TSLP: variants seen among roughly 807,000 people sequenced by gnomAD.
TSLP encodes the protein thymic stroma-derived lymphopoietin.
A neutral mutation model predicts 12.4 loss-of-function variants in TSLP; 12 were observed. The ratio of observed to expected loss-of-function variants is 0.97; its 90% confidence interval spans 0.62 to 1.57. TSLP has a LOEUF of 1.57. TSLP is among the 40% of genes most tolerant of loss of function. The pLI is 0.00. For missense variants in TSLP, 222 were observed against 189.6 expected (o/e 1.17, Z -1.00); for synonymous variants, 97 against 69.5 (o/e 1.40, Z -1.97).
At position 111,076,103 on chromosome 5, in the gene TSLP, GCA is replaced by G; in HGVS notation, c.*31_*32del. ...ATCTTTATTATGGTCATATTTCACAGCACCAAAATAAATCATCTTTATTAAGT... is the reference window on the plus strand; with the variant it reads ...ATCTTTATTATGGTCATATTTCACAGCCAAAATAAATCATCTTTATTAAGT... On this transcript the variant is annotated 3_prime_UTR_variant, in exon 4 of 4. Transcript: ENST00000344895. 2.5e-6 allele frequency: 4 copies of G among 1,610,098 alleles called. No homozygotes were observed. Among genetic ancestry groups the G allele is most frequent in the Non-Finnish European group, 3.4e-6 (4 of 1,178,274 alleles).
chr5:111,075,027 C>T lies in TSLP; in HGVS notation c.352-919C>T, dbSNP rs143641167. On this transcript the variant is annotated intron_variant, in intron 3 of 3. Coordinates refer to ENST00000344895, the MANE Select transcript of TSLP (RefSeq NM_033035.5). ...GCCATATGGGAAACCTATTTGGCTT[C>T]ATGCCTTCTTATGAAGGAGACCCTG... 3.4e-3 allele frequency among the ~76,000 whole-genome samples: 525 copies of T among 152,258 alleles called. 6 individuals are homozygous for T. The highest frequency in any genetic ancestry group is 0.012 in the African/African-American group (499 of 41,542).
chr5:111,072,835 C>G (rs201830592), intron 1 of TSLP, 53 bp from the exon 2 acceptor site: 2 of 1,585,292 alleles, frequency 1.3e-6, no homozygotes, highest in Admixed American at 1.7e-5. Flanking sequence ...GGATGATTTT[C>G]CTTGTGGACT....
intron 3 of TSLP, 79 bp from the exon 4 acceptor site, chr5:111,075,867 G>A: frequency 6.9e-7 from 1 of 1,442,840 alleles, no homozygotes; most frequent in Non-Finnish European, 9.6e-7. Context: ...TTTGCATAGA[G>A]AAGGCAATTA....
chr5:111,071,584 T>C, upstream of TSLP: 1 of 1,509,068 alleles, frequency 6.6e-7, no homozygotes. Context: ...CCTTTTTTTT[T>C]TTCCTTTCAC....
intron 3 of TSLP, among the ~76,000 whole-genome samples, chr5:111,074,321 A>T (rs188635457): frequency 6.6e-6 from 1 of 152,308 alleles, no homozygotes; most frequent in Admixed American, 6.5e-5. Context: ...AACTTCTGTG[A>T]AGACTTAGTT....
rs1425238048 is a variant in TSLP at position 111,073,600 on chromosome 5, T to A, written c.306T>A (p.Thr102=). 1 of 1,614,214 alleles carries A rather than the reference T, an allele frequency of 6.2e-7. No individual in the cohort carries two copies. Residue 102 remains threonine, a synonymous_variant, in exon 3 of 4, where the codon ACT becomes ACA. Coordinates refer to ENST00000344895, the MANE Select transcript of TSLP (RefSeq NM_033035.5). ...CCAAAGAAATGTTCGCCATGAAAAC[T>A]AAGGCTGCCTTAGCTATCTGGTGCC... ...SLAKEMFAMK[T]KAALAIWCPG... is the part of the protein sequence containing the mutation.
At chr5:111,074,972 G>A (rs1342436337) in intron 3 of TSLP, among the ~76,000 whole-genome samples, 1 of 152,136 alleles carries the variant, frequency 6.6e-6, no homozygotes, top group African/African-American at 2.4e-5. Context: ...GATCTGGGTT[G>A]AGCTTGAATT....
upstream of TSLP, chr5:111,071,149 A>G (rs1323188306): frequency 7.1e-6 from 2 of 282,848 alleles, no homozygotes; most frequent in Non-Finnish European, 6.5e-6. Flanking sequence ...TCAACCTCTT[A>G]TCGTTCCTGC....
upstream of TSLP, chr5:111,071,559 A>G (rs1267457573): frequency 1.3e-6 from 2 of 1,529,006 alleles, no homozygotes; most frequent in East Asian, 2.4e-5. Flanking sequence ...TTAAAATTCC[A>G]TAGATTTAGC....
At position 111,077,723 on chromosome 5, in the gene TSLP, G is replaced by C. The variant is rs1752552479; in HGVS notation, c.*1649G>C. On this transcript the variant is annotated 3_prime_UTR_variant, in exon 4 of 4. Coordinates refer to ENST00000344895, the MANE Select transcript of TSLP (RefSeq NM_033035.5). ...AGACAACTCAAAGTCATCCCATTAA[G>C]TGCAGTTTCTTTGAATCTTCTGCTT... is the stretch of plus-strand genomic sequence containing the variant. 1 of 152,580 alleles carries C rather than the reference G, an allele frequency of 6.6e-6. No homozygotes were observed. Among genetic ancestry groups the C allele is most frequent in the African/African-American group, 2.4e-5 (1 of 41,438 alleles). 9.5% of individuals were successfully genotyped at this position (152,580 alleles called of 1,614,324 possible).
At chr5:111,073,685 T>G (rs765604341) in intron 3 of TSLP, 40 bp downstream of exon 3, 2 of 1,587,162 alleles carry the variant, frequency 1.3e-6, no homozygotes, top group African/African-American at 2.7e-5. Context: ...ACCTTGGGGC[T>G]AACCTCAAAT....
intron 2 of TSLP, chr5:111,073,209 C>G: frequency 1.7e-6 from 2 of 1,192,460 alleles, no homozygotes; most frequent in Non-Finnish European, 2.2e-6. Context: ...TGCTGGGGTC[C>G]GGCGCCTCCG....
Position 111,072,942 on chromosome 5 carries a change from G to A in TSLP, c.216+10G>A. On this transcript the variant is annotated intron_variant, in intron 2 of 3. Transcript: ENST00000344895. ...CTCTTGTAGCAATCGGGTGAGTAGA[G>A]AGTTCAGTGCTGCTGGCTTTCTCCA... is the stretch of plus-strand genomic sequence containing the variant. 6.2e-7 allele frequency: 1 copy of A among 1,614,204 alleles called. No individual in the cohort carries two copies. Among genetic ancestry groups the A allele is most frequent in the Non-Finnish European group, 8.5e-7 (1 of 1,180,024 alleles).
chr5:111,074,225 T>C (rs1180981927), intron 3 of TSLP, among the ~76,000 whole-genome samples: 2 of 152,228 alleles, frequency 1.3e-5, no homozygotes, highest in Non-Finnish European at 2.9e-5. Context: ...AATGCTCGTG[T>C]AGCATTAAAT....
chr5:111,071,648 G>A (rs952323944), upstream of TSLP: 3 of 1,429,106 alleles, frequency 2.1e-6, no homozygotes, highest in African/African-American at 1.4e-5. Context: ...GAAAATCATT[G>A]GCCTAGGAGA....
chr5:111,071,248 T>A, upstream of TSLP: 1 of 485,498 alleles, frequency 2.1e-6, no homozygotes, highest in South Asian at 4.7e-5. Context: ...CTCCAAAGCA[T>A]CCCATAAGCA....
At chr5:111,071,602 A>G, upstream of TSLP, 2 of 1,490,592 alleles carry the variant, frequency 1.3e-6, no homozygotes, top group East Asian at 2.5e-5. Context: ...CACATCATCA[A>G]TTCAGAATTC....
chr5:111,071,765 T>A lies in TSLP; in HGVS notation c.-126T>A. On this transcript the variant is annotated 5_prime_UTR_variant, in exon 1 of 4. Coordinates refer to ENST00000344895, the MANE Select transcript of TSLP (RefSeq NM_033035.5). ...AGCATGGGTGAATAAGGGCTTCCTG[T>A]GGACTGGCAATGAGAGGCAAAACCT... The A allele has an allele frequency of 7.7e-7, 1 of 1,305,348 alleles. No homozygotes were observed. Among genetic ancestry groups the A allele is most frequent in the Non-Finnish European group, 1.1e-6 (1 of 940,314 alleles). 80.9% of individuals were successfully genotyped at this position (1,305,348 alleles called of 1,614,324 possible). A position where few individuals can be genotyped will look rare whatever the true frequency, so the allele number is the denominator to read the frequency against.
chr5:111,076,524 C>CA lies in TSLP; in HGVS notation c.*451dup, dbSNP rs1752511637. 6.3e-6 allele frequency: 1 copy of CA among 159,468 alleles called. No individual in the cohort carries two copies. Among genetic ancestry groups the CA allele is most frequent in the African/African-American group, 2.4e-5 (1 of 41,472 alleles). The allele number at this position is 159,468 out of a possible 1,614,324, so 9.9% of individuals were successfully genotyped here. A position where few individuals can be genotyped will look rare whatever the true frequency, so the allele number is the denominator to read the frequency against. On this transcript the variant is annotated 3_prime_UTR_variant, in exon 4 of 4. Transcript: ENST00000344895. ...AAGAAAGTGAAAGCAAATGGGGTTT[C>CA]ACAAATAGTTGTAAATATAGTGAAG...
Sources: gnomAD v4.1 joint callset for allele counts (sites outside exome capture counted in the v4.1 genomes callset) on GRCh38, gnomAD v4.1.1 for gene constraint, MANE v1.5 for transcripts, NCBI Gene and HGNC (gene_info 2026-07-23, HGNC 2026-07-21) for gene names.